Variants in HGF observed in about 807,000 individuals in gnomAD.
HGF encodes hepatocyte growth factor, also known as fibroblast-derived tumor cytotoxic factor.
HGF carries 39 observed loss-of-function variants against 111.6 expected under a neutral mutation model. The ratio of observed to expected loss-of-function variants is 0.35; its 90% CI spans 0.27 to 0.46. The LOEUF (loss-of-function observed/expected upper bound fraction) is 0.46. Ranked by LOEUF, HGF falls within the 20% of genes least tolerant of loss-of-function variation. The probability of loss-of-function intolerance (pLI) is 1.00; values close to 1 mark genes in which losing one functional copy is unlikely to be tolerated. For missense variants in HGF, 735 were observed against 910.5 expected, an observed-to-expected ratio of 0.81 and a Z score of 2.48; for synonymous variants, 285 against 294.8, an observed-to-expected ratio of 0.97 and a Z score of 0.34.
In HGF at chr7:81,712,904, A is replaced by C. The variant is rs954280249; in HGVS notation, c.1406-1385T>G. ...TTAAATGAATAGGTTAATGGTAAAC[A>C]TACAAAATTCATCATTTCTCTTTCC... On this transcript the variant is annotated intron_variant, in intron 11 of 17. Coordinates refer to ENST00000222390, the MANE Select transcript of HGF (RefSeq NM_000601.6). 2.6e-5 allele frequency among the ~76,000 whole-genome samples: 4 copies of C among 152,202 alleles called. No homozygotes were observed. The East Asian group carries it at 7.7e-4, about 29-fold the overall frequency.
chr7:81,751,177 T>C, intron 5 of HGF: 2 of 905,984 alleles, frequency 2.2e-6, no homozygotes, highest in Non-Finnish European at 2.6e-6. Flanking sequence ...ATTTGGTTAA[T>C]AACAAACAGG....
At chr7:81,755,823 T>C (rs1788739386) in intron 4 of HGF, 1 of 548,196 alleles carries the variant, frequency 1.8e-6, no homozygotes, top group African/African-American at 1.9e-5. Flanking sequence ...TAACTAATTT[T>C]GAAAATTGTT....
chr7:81,736,929 G>GTGTGTGTGTGTGTGT (rs373877352), intron 7 of HGF, among the ~76,000 whole-genome samples: 1 of 142,492 alleles, frequency 7.0e-6, no homozygotes, highest in Non-Finnish European at 1.5e-5. Flanking sequence ...GTGTGTGTGT[G>GTGTGTGTGTGTGTGT]GTGTTCTATA....
chr7:81,734,408 T>G (rs1787759016), intron 7 of HGF, among the ~76,000 whole-genome samples: 1 of 152,230 alleles, frequency 6.6e-6, no homozygotes, highest in Non-Finnish European at 1.5e-5. Context: ...TCGAAATTTT[T>G]CACTGTCCTG....
At chr7:81,707,430 A>C in intron 13 of HGF, 66 bp from the exon 14 acceptor site, 1 of 899,690 alleles carries the variant, frequency 1.1e-6, no homozygotes, top group Non-Finnish European at 1.9e-6. Context: ...AATTAATGCA[A>C]AGCCTGTGGC....
At chr7:81,741,410 C>T (rs1396960620) in intron 7 of HGF, among the ~76,000 whole-genome samples, 1 of 152,156 alleles carries the variant, frequency 6.6e-6, no homozygotes, top group Non-Finnish European at 1.5e-5. Flanking sequence ...AAGAAACCTA[C>T]TTAATAGCTA....
In HGF at chr7:81,705,771, A is replaced by G. The variant is rs1327334677; in HGVS notation, c.1758-18T>C. 1.4e-6 allele frequency: 2 copies of G among 1,417,660 alleles called. No individual in the cohort carries two copies. The highest frequency in any genetic ancestry group is 1.7e-5 in the Admixed American group (1 of 59,486). The allele number at this position is 1,417,660 out of a possible 1,614,324, so 87.8% of individuals were successfully genotyped here. A position where few individuals can be genotyped will look rare whatever the true frequency, so the allele number is the denominator to read the frequency against. On this transcript the variant is annotated intron_variant, in intron 15 of 17. Coordinates refer to ENST00000222390, the MANE Select transcript of HGF (RefSeq NM_000601.6). The stretch of plus-strand genomic sequence containing the variant: ...CAGCAGGCCTGAAAACACAAAATAC[A>G]ATGGTAAGTACTCTCAACTGGATTC...
intron 7 of HGF, among the ~76,000 whole-genome samples, chr7:81,735,141 G>T (rs1787785831): frequency 6.6e-6 from 1 of 152,022 alleles, no homozygotes; most frequent in Non-Finnish European, 1.5e-5. Flanking sequence ...AATTTAAAGA[G>T]CTTCTTGTTT....
chr7:81,755,660 CTT>C (rs1788731734), intron 4 of HGF: 2 of 204,962 alleles, frequency 9.8e-6, no homozygotes, highest in African/African-American at 4.7e-5. Flanking sequence ...TCATGAAAAA[CTT>C]AGATCCATCT....
chr7:81,755,555 A>C (rs1234434926), intron 4 of HGF: 1 of 153,242 alleles, frequency 6.5e-6, no homozygotes, highest in Non-Finnish European at 1.5e-5. Flanking sequence ...AATCACGATC[A>C]TAGAAAACTC....
At chr7:81,736,894 G>GGTGTGTGTGTGTGTGTGTGTGTGT (rs368271908) in intron 7 of HGF, among the ~76,000 whole-genome samples, 18 of 142,054 alleles carry the variant, frequency 1.3e-4, no homozygotes, top group Non-Finnish European at 2.1e-4. Context: ...TGTGTAGAGG[G>GGTGTGTGTGTGTGTGTGTGTGTGT]GTGTGTGTGT....
Position 81,701,244 on chromosome 7 carries a change from A to AT in HGF, c.*1336dup, listed in dbSNP as rs1348007978. On this transcript the variant is annotated 3_prime_UTR_variant, in exon 18 of 18. Coordinates refer to ENST00000222390, the MANE Select transcript of HGF (RefSeq NM_000601.6). ...AATAAGAAAAAATAAACATATCTTG[A>AT]TAAAATATCTGATTCAACAGATTCC... 2 of 151,490 alleles carry AT rather than the reference A, an allele frequency of 1.3e-5. No individual in the cohort carries two copies. Among genetic ancestry groups the AT allele is most frequent in the African/African-American group, 2.4e-5 (1 of 41,378 alleles). The allele number at this position is 151,490 out of a possible 1,614,324, so 9.4% of individuals were successfully genotyped here. A position where few individuals can be genotyped will look rare whatever the true frequency, so the allele number is the denominator to read the frequency against.
intron 5 of HGF, among the ~76,000 whole-genome samples, chr7:81,749,890 T>C (rs1203874614): frequency 1.3e-5 from 2 of 152,064 alleles, no homozygotes; most frequent in Non-Finnish European, 2.9e-5. Context: ...TACTGTTCTA[T>C]ATGTCTTTTT....
intron 7 of HGF, among the ~76,000 whole-genome samples, chr7:81,730,433 C>A (rs1029914841): frequency 6.6e-6 from 1 of 151,990 alleles, no homozygotes; most frequent in African/African-American, 2.4e-5. Context: ...CCAGCCTGGG[C>A]AAGAAGAGTG....
intron 11 of HGF, among the ~76,000 whole-genome samples, chr7:81,715,720 A>T (rs1309484174): frequency 6.6e-6 from 1 of 152,188 alleles, no homozygotes; most frequent in East Asian, 1.9e-4. Flanking sequence ...GGTGAAATTT[A>T]CCTCTTTAAT....
chr7:81,746,538 G>A (rs7804865), intron 5 of HGF, among the ~76,000 whole-genome samples: 123,017 of 152,110 alleles, frequency 0.81, 50,034 homozygotes, highest in Middle Eastern at 0.89. Context: ...AGCATTTATC[G>A]TTATTTGTTC....
chr7:81,705,813 A>G, intron 15 of HGF, 60 bp from the exon 16 acceptor site: 1 of 997,296 alleles, frequency 1.0e-6, no homozygotes. Flanking sequence ...AAATTAACAT[A>G]TTAAATGTAG....
At chr7:81,739,300 G>A (rs1787930122) in intron 7 of HGF, among the ~76,000 whole-genome samples, 1 of 151,894 alleles carries the variant, frequency 6.6e-6, no homozygotes, top group Admixed American at 6.6e-5. Flanking sequence ...ACTGGCCTGT[G>A]TTGTATTTTG....
At position 81,769,920 on chromosome 7, in the gene HGF, G is replaced by A. The variant is rs752758599; in HGVS notation, c.52C>T (p.His18Tyr). 7 of 1,569,822 alleles carry A rather than the reference G, an allele frequency of 4.5e-6. No individual in the cohort carries two copies. In the South Asian group the frequency reaches 7.0e-5, roughly 16 times the overall value. Residue 18 changes from histidine to tyrosine, a missense_variant, in exon 1 of 18, where the codon CAT becomes TAT. By Grantham distance (83) the His-to-Tyr change is moderately conservative (BLOSUM62 2). This residue lies in a region of HGF where 553 missense variants were observed against 685.6 expected (regional missense o/e 0.81). Coordinates refer to ENST00000222390, the MANE Select transcript of HGF (RefSeq NM_000601.6). ...ATGGCGATGGGGAGCAGGAGGAGAT[G>A]CAGGAGGACATGCTGCAGCAGCAGG... is the stretch of plus-strand genomic sequence containing the variant. ...PALLLQHVLL[H>Y]LLLLPIAIPY...
Sources: gnomAD v4.1 joint callset for allele counts (sites outside exome capture counted in the v4.1 genomes callset) on GRCh38, gnomAD v4.1.1 for gene constraint, gnomAD v4.1.1 regional missense constraint, MANE v1.5 for transcripts, NCBI Gene and HGNC (gene_info 2026-07-23, HGNC 2026-07-21) for gene names.